PCDH15: variants seen among roughly 807,000 people sequenced by gnomAD.
The protein encoded by PCDH15 is protocadherin related 15.
A neutral mutation model predicts 178.5 loss-of-function variants in PCDH15; 129 were observed. The observed-to-expected ratio is 0.72, with a 90% confidence interval of 0.63 to 0.84. The LOEUF (loss-of-function observed/expected upper bound fraction) is 0.84. Among genes scored for constraint, PCDH15 ranks in the 40% least tolerant of loss-of-function variants. The probability of loss-of-function intolerance (pLI) is 0.00; values close to 1 mark genes in which losing one functional copy is unlikely to be tolerated. For missense variants in PCDH15, 2,230 were observed against 2,099.9 expected (o/e 1.06, Z -1.21); for synonymous variants, 800 against 732.0 (o/e 1.09, Z -1.50).
At chr10:54,909,321 A>G (rs755362625) in intron 2 of PCDH15, among the ~76,000 whole-genome samples, 2 of 151,994 alleles carry the variant, frequency 1.3e-5, no homozygotes, top group Non-Finnish European at 2.9e-5. Context: ...AGCCCAGGTT[A>G]TTAATGCCAA....
intron 1 of PCDH15, among the ~76,000 whole-genome samples, chr10:54,735,458 C>T (rs971369825): frequency 2.0e-5 from 3 of 151,116 alleles, no homozygotes; most frequent in African/African-American, 2.4e-5. Context: ...GTCAGTGTGG[C>T]GATTCCTCAG....
At chr10:54,457,720 A>G (rs1189180292) in intron 3 of PCDH15, among the ~76,000 whole-genome samples, 4 of 152,208 alleles carry the variant, frequency 2.6e-5, no homozygotes, top group Non-Finnish European at 5.9e-5. Context: ...TTAATGATAA[A>G]TCATAGTCAT....
At chr10:54,725,779 G>T (rs1273152352) in intron 1 of PCDH15, among the ~76,000 whole-genome samples, 1 of 151,290 alleles carries the variant, frequency 6.6e-6, no homozygotes, top group African/African-American at 2.4e-5. Flanking sequence ...CCATGTGAGT[G>T]GCTGAGCCTA....
At chr10:54,867,547 C>T (rs985356246) in intron 3 of PCDH15, among the ~76,000 whole-genome samples, 3 of 152,082 alleles carry the variant, frequency 2.0e-5, no homozygotes, top group African/African-American at 7.2e-5. Context: ...ATACATAGGA[C>T]GTGGCAAGGG....
intron 32 of PCDH15, 74 bp downstream of exon 32, chr10:53,827,319 T>C: frequency 6.7e-7 from 1 of 1,496,940 alleles, no homozygotes; most frequent in East Asian, 2.3e-5. Context: ...CACATCAGAT[T>C]GAAATTAAAT....
intron 2 of PCDH15, among the ~76,000 whole-genome samples, chr10:55,065,594 T>C (rs1397130365): frequency 2.0e-5 from 3 of 152,088 alleles, no homozygotes; most frequent in Non-Finnish European, 4.4e-5. Flanking sequence ...GGAGAGTAGA[T>C]ACTGTTTCCT....
intron 2 of PCDH15, among the ~76,000 whole-genome samples, chr10:55,361,073 T>C (rs546400334): frequency 2.1e-4 from 32 of 152,098 alleles, no homozygotes; most frequent in African/African-American, 7.5e-4. Flanking sequence ...CCAAAGTGTG[T>C]TGAGTAAAAT....
chr10:54,516,246 T>G (rs1055826618), intron 3 of PCDH15, among the ~76,000 whole-genome samples: 1 of 152,106 alleles, frequency 6.6e-6, no homozygotes, highest in African/African-American at 2.4e-5. Flanking sequence ...AGGCTTCAGA[T>G]GATCAACTAC....
At chr10:53,850,106 C>G (rs1017927305) in intron 28 of PCDH15, among the ~76,000 whole-genome samples, 1 of 151,916 alleles carries the variant, frequency 6.6e-6, no homozygotes, top group Non-Finnish European at 1.5e-5. Context: ...AAAATAAAAC[C>G]TTTTAACTCT....
At chr10:54,371,348 C>T (rs1947640715) in intron 4 of PCDH15, among the ~76,000 whole-genome samples, 1 of 151,700 alleles carries the variant, frequency 6.6e-6, no homozygotes, top group African/African-American at 2.4e-5. Context: ...GCATACTGTA[C>T]ATTAATTAAT....
chr10:53,887,380 C>G (rs1319220004), intron 26 of PCDH15, among the ~76,000 whole-genome samples: 1 of 152,110 alleles, frequency 6.6e-6, no homozygotes, highest in East Asian at 1.9e-4. Context: ...AGCTTATCCC[C>G]TTTTGTCAGA....
intron 7 of PCDH15, among the ~76,000 whole-genome samples, chr10:54,325,491 G>T (rs1937765714): frequency 6.6e-6 from 1 of 152,070 alleles, no homozygotes; most frequent in Non-Finnish European, 1.5e-5. Flanking sequence ...GCTCATGCGT[G>T]TAATCCCAAC....
intron 8 of PCDH15, among the ~76,000 whole-genome samples, chr10:54,277,145 T>C (rs1285274193): frequency 6.6e-6 from 1 of 151,608 alleles, no homozygotes; most frequent in Non-Finnish European, 1.5e-5. Flanking sequence ...CTAACTGATC[T>C]GGAAGTGGAA....
At chr10:54,233,781 T>C (rs1196659124) in intron 9 of PCDH15, among the ~76,000 whole-genome samples, 1 of 152,202 alleles carries the variant, frequency 6.6e-6, no homozygotes, top group African/African-American at 2.4e-5. Context: ...CTTTTTAGAA[T>C]CCCAGAAATA....
At chr10:53,961,587 T>C (rs933919455) in intron 22 of PCDH15, among the ~76,000 whole-genome samples, 165 bp downstream of exon 22, 1 of 152,032 alleles carries the variant, frequency 6.6e-6, no homozygotes, top group Non-Finnish European at 1.5e-5. Context: ...CAAGTGGTTT[T>C]CTTTTTACTA....
chr10:54,358,937 C>T (rs1945519433), intron 5 of PCDH15, among the ~76,000 whole-genome samples: 1 of 145,748 alleles, frequency 6.9e-6, no homozygotes, highest in Non-Finnish European at 1.5e-5. Context: ...CGCATATTCT[C>T]ATTCATAGGT....
chr10:54,771,548 A>C (rs1239032817), intron 1 of PCDH15, among the ~76,000 whole-genome samples: 1 of 152,156 alleles, frequency 6.6e-6, no homozygotes, highest in African/African-American at 2.4e-5. Flanking sequence ...ATTTATAAGT[A>C]CATTTTATCA....
At chr10:54,476,565 A>G (rs1198577731) in intron 3 of PCDH15, among the ~76,000 whole-genome samples, 1 of 152,134 alleles carries the variant, frequency 6.6e-6, no homozygotes, top group Non-Finnish European at 1.5e-5. Context: ...ATCATTATAT[A>G]AAAGGTGTTT....
intron 2 of PCDH15, among the ~76,000 whole-genome samples, chr10:55,130,144 A>T (rs965800634): frequency 6.6e-6 from 1 of 152,136 alleles, no homozygotes; most frequent in African/African-American, 2.4e-5. Flanking sequence ...TATTGATTGG[A>T]GTGGATGTAG....
Sources: allele counts gnomAD v4.1 joint callset (sites outside exome capture counted in the v4.1 genomes callset), GRCh38; gene constraint gnomAD v4.1.1; transcripts MANE v1.5; gene names NCBI Gene and HGNC (gene_info 2026-07-23, HGNC 2026-07-21).